PTPRM: variants seen among roughly 807,000 people sequenced by gnomAD.
PTPRM encodes the protein receptor-type tyrosine-protein phosphatase mu.
PTPRM carries 47 observed loss-of-function variants against 186.7 expected under a neutral mutation model. The ratio of observed to expected loss-of-function variants is 0.25; its 90% CI spans 0.20 to 0.32. PTPRM has a LOEUF of 0.32. Among genes scored for constraint, PTPRM ranks in the 10% least tolerant of loss-of-function variants. The pLI is 1.00. For missense variants in PTPRM, 1,494 were observed against 1,865.0 expected, an observed-to-expected ratio of 0.80 and a Z score of 3.66; for synonymous variants, 668 against 674.9, an observed-to-expected ratio of 0.99 and a Z score of 0.16.
At chr18:8,041,475 A>AG (rs386386995) in intron 7 of PTPRM, among the ~76,000 whole-genome samples, 2 of 151,938 alleles carry the variant, frequency 1.3e-5, no homozygotes, top group Non-Finnish European at 2.9e-5. Flanking sequence ...AAAGAAAAAA[A>AG]AAAGGCCAAG....
chr18:7,814,644 C>T (rs922582261), intron 2 of PTPRM: 2 of 152,172 alleles, frequency 1.3e-5, no homozygotes, highest in African/African-American at 2.4e-5. Flanking sequence ...CACCACCATC[C>T]ATCTGAATAG....
At chr18:8,144,822 GT>G (rs1433864098) in intron 14 of PTPRM, among the ~76,000 whole-genome samples, 14 of 152,182 alleles carry the variant, frequency 9.2e-5, no homozygotes, top group African/African-American at 3.4e-4. Flanking sequence ...ATGGCATAAA[GT>G]TTCCCAAATT....
chr18:7,920,309 C>T (rs183379727), intron 4 of PTPRM, among the ~76,000 whole-genome samples: 97 of 152,090 alleles, frequency 6.4e-4, no homozygotes, highest in Middle Eastern at 3.4e-3. Context: ...TTTCTCTGGT[C>T]ACGTGTTTTA....
chr18:7,960,980 A>G (rs950557090), intron 7 of PTPRM, among the ~76,000 whole-genome samples: 7 of 152,128 alleles, frequency 4.6e-5, no homozygotes, highest in African/African-American at 7.2e-5. Context: ...TATTCAGCCA[A>G]TCTCCAGAAC....
intron 14 of PTPRM, among the ~76,000 whole-genome samples, chr18:8,223,068 A>G (rs1282710406): frequency 1.3e-5 from 2 of 152,100 alleles, no homozygotes; most frequent in Non-Finnish European, 2.9e-5. Context: ...TACTAAGAGT[A>G]CAAAAATTAG....
chr18:8,278,017 ATAT>A (rs1009957396), intron 19 of PTPRM, among the ~76,000 whole-genome samples: 11 of 152,342 alleles, frequency 7.2e-5, no homozygotes, highest in Admixed American at 5.2e-4. Flanking sequence ...TCAATCTATA[ATAT>A]TATTTCATTT....
intron 11 of PTPRM, among the ~76,000 whole-genome samples, chr18:8,113,099 C>G (rs761144199): frequency 6.6e-6 from 1 of 152,126 alleles, no homozygotes; most frequent in African/African-American, 2.4e-5. Flanking sequence ...AATAAACTTA[C>G]AGTTGGTATA....
intron 2 of PTPRM, among the ~76,000 whole-genome samples, chr18:7,850,706 A>C (rs1489014674): frequency 6.6e-6 from 1 of 152,220 alleles, no homozygotes; most frequent in African/African-American, 2.4e-5. Context: ...ACTAGAAAGA[A>C]GTAATCTGTT....
chr18:7,786,037 C>A (rs564476222), intron 2 of PTPRM, among the ~76,000 whole-genome samples: 2 of 152,210 alleles, frequency 1.3e-5, no homozygotes, highest in South Asian at 4.1e-4. Flanking sequence ...CAGAAAAAAT[C>A]ATACAGAATT....
intron 23 of PTPRM, among the ~76,000 whole-genome samples, chr18:8,367,653 C>T (rs1325735472): frequency 3.9e-5 from 6 of 152,342 alleles, no homozygotes; most frequent in African/African-American, 1.2e-4. Flanking sequence ...ACAGCCAGCC[C>T]GAGAGGGCCC....
chr18:8,009,130 A>C (rs2084366215), intron 7 of PTPRM, among the ~76,000 whole-genome samples: 1 of 152,156 alleles, frequency 6.6e-6, no homozygotes, highest in African/African-American at 2.4e-5. Context: ...ATTTCAAACA[A>C]AGGAGCTTCT....
chr18:7,797,008 TC>T lies in PTPRM; in HGVS notation c.196+22738del, dbSNP rs2043695761. 3.3e-5 allele frequency among the ~76,000 whole-genome samples: 5 copies of T among 151,980 alleles called. No homozygotes were observed. In the South Asian group the frequency reaches 1.0e-3, roughly 32 times the overall value. ...GCAGTGGCTGCATCACCATTGGGGG[TC>T]ACCAGATAGAGGTCAGTGCTTCATG... On this transcript the variant is annotated intron_variant, in intron 2 of 32. Transcript: ENST00000580170.
chr18:7,965,570 C>G (rs1432186372), intron 7 of PTPRM, among the ~76,000 whole-genome samples: 4 of 152,170 alleles, frequency 2.6e-5, no homozygotes, highest in African/African-American at 7.2e-5. Flanking sequence ...CACCATAGGG[C>G]TGCTTGTGAG....
At chr18:7,756,105 C>T (rs1395871924) in intron 1 of PTPRM, among the ~76,000 whole-genome samples, 4 of 152,088 alleles carry the variant, frequency 2.6e-5, no homozygotes, top group Non-Finnish European at 4.4e-5. Flanking sequence ...ACAGCAATTC[C>T]GAGTCTGGAG....
intron 19 of PTPRM, among the ~76,000 whole-genome samples, chr18:8,275,439 G>A (rs2094822519): frequency 6.6e-5 from 10 of 151,880 alleles, no homozygotes; most frequent in Admixed American, 5.9e-4. Context: ...GTAAGATTCT[G>A]TAAAAAAAGA....
chr18:7,732,658 C>A lies in PTPRM; in HGVS notation c.74-41491C>A, dbSNP rs182746773. On this transcript the variant is annotated intron_variant, in intron 1 of 32. Transcript: ENST00000580170. ...AGTAGCTGGAACTACAGGTATGCAC[C>A]CCCATGCCTGGCTAATTTTTGAAAT... 4.6e-5 allele frequency among the ~76,000 whole-genome samples: 7 copies of A among 152,052 alleles called. No homozygotes were observed. In the East Asian group the frequency reaches 1.4e-3, roughly 30 times the overall value.
rs181224928 is a variant in PTPRM, at chr18:7,607,809, T to A, written c.73+39918T>A. Reference sequence around the variant, plus strand: ...CGCTCTGCCTTCCTCGGAGCACTGCTCATCCTCTCTTCGTATATCAAAGCC... The same window carrying A: ...CGCTCTGCCTTCCTCGGAGCACTGCACATCCTCTCTTCGTATATCAAAGCC... On this transcript the variant is annotated intron_variant, in intron 1 of 32. Coordinates refer to ENST00000580170, the MANE Select transcript of PTPRM (RefSeq NM_001105244.2). Among the ~76,000 whole-genome samples, 415 of 152,352 alleles carry A rather than the reference T, an allele frequency of 2.7e-3. 11 individuals carry two copies. The East Asian group carries it at 0.073, about 27-fold the overall frequency.
At chr18:8,395,258 G>A (rs1228800409) in intron 32 of PTPRM, among the ~76,000 whole-genome samples, 1 of 152,126 alleles carries the variant, frequency 6.6e-6, no homozygotes, top group Non-Finnish European at 1.5e-5. Flanking sequence ...GTAGGAAACA[G>A]CAGGACTAAT....
chr18:7,892,683 CACAGG>C (rs2049142971), intron 3 of PTPRM, among the ~76,000 whole-genome samples: 1 of 152,144 alleles, frequency 6.6e-6, no homozygotes, highest in Admixed American at 6.5e-5. Context: ...AACAAAATAC[CACAGG>C]ACTGTACGGC....
Sources: allele counts gnomAD v4.1 joint callset (sites outside exome capture counted in the v4.1 genomes callset), GRCh38; gene constraint gnomAD v4.1.1; transcripts MANE v1.5; gene names NCBI Gene and HGNC (gene_info 2026-07-23, HGNC 2026-07-21).